COL28A1: variants seen among roughly 807,000 people sequenced by gnomAD.
COL28A1 encodes the protein collagen type XXVIII alpha 1 chain.
COL28A1 carries 161 observed loss-of-function variants against 150.2 expected under a neutral mutation model. The observed-to-expected ratio is 1.07, with a 90% CI of 0.94 to 1.22. COL28A1 has a LOEUF of 1.22. Among genes scored for constraint, COL28A1 ranks in the 50% most tolerant of loss-of-function variants. COL28A1 has a pLI of 0.00. For synonymous variants in COL28A1, 552 were observed against 469.7 expected, an observed-to-expected ratio of 1.18 and a Z score of -2.26; for missense variants, 1,617 against 1,388.3, an observed-to-expected ratio of 1.16 and a Z score of -2.62.
the COL28A1 span, among the ~76,000 whole-genome samples, chr7:7,342,049 T>C: frequency 9.9e-4 from 150 of 152,258 alleles, 1 homozygote; most frequent in East Asian, 0.028. Flanking sequence ...AATCTCCCAC[T>C]GTGATTTTGG....
At chr7:7,357,657 T>TG (rs1197264533), downstream of COL28A1, 4 of 49,930 alleles carry the variant, frequency 8.0e-5, no homozygotes, top group African/African-American at 1.8e-4. Flanking sequence ...AGATTCTGTC[T>TG]GGGGGAAAAA....
Position 7,370,736 on chromosome 7 carries a change from T to C in COL28A1, c.3055A>G (p.Ile1019Val). 1 of 1,610,614 alleles carries C rather than the reference T, an allele frequency of 6.2e-7. No individual in the cohort carries two copies. Among genetic ancestry groups the C allele is most frequent in the Admixed American group, 1.7e-5 (1 of 59,338 alleles). The change falls in exon 33 of 35, where the codon ATT becomes GTT. Residue 1019 changes from isoleucine (I) to valine (V), a missense_variant. Ile to Val is a conservative substitution (Grantham distance 29). Transcript: ENST00000399429. The stretch of plus-strand genomic sequence containing the variant: ...AGACAGTTACTTACTGACTCAGAAA[T>C]TTCTTTTTGAGGCTCTGGAGTAGAT... ...SESTPEPQKEISESLSVTRDQ... is the reference protein window; with the variant it reads ...SESTPEPQKEVSESLSVTRDQ...
At chr7:7,493,783 G>T (rs1780053265) in intron 11 of COL28A1, among the ~76,000 whole-genome samples, 1 of 151,966 alleles carries the variant, frequency 6.6e-6, no homozygotes, top group African/African-American at 2.4e-5. Context: ...ACTCTAGTCA[G>T]AATAGCCCTG....
chr7:7,343,786 TAGTTTGAGGCCAGG>T, the COL28A1 span, among the ~76,000 whole-genome samples: 13 of 152,118 alleles, frequency 8.5e-5, no homozygotes, highest in African/African-American at 3.1e-4. Context: ...GGAGAGAGTA[TAGTTTGAGGCCAGG>T]AGTTTGAGAC....
chr7:7,526,642 T>C (rs545830009), intron 3 of COL28A1, among the ~76,000 whole-genome samples: 3 of 152,180 alleles, frequency 2.0e-5, no homozygotes, highest in Non-Finnish European at 4.4e-5. Context: ...ATCTTTTTTT[T>C]TTCTTCTTTT....
chr7:7,522,387 C>G (rs1466224602), intron 4 of COL28A1, among the ~76,000 whole-genome samples: 6 of 152,040 alleles, frequency 3.9e-5, no homozygotes, highest in Admixed American at 3.9e-4. Context: ...ATTAAATGCT[C>G]CTTTACTAGG....
At chr7:7,477,238 G>A (rs1378123401) in intron 13 of COL28A1, 58 bp from the exon 14 acceptor site, 3 of 831,228 alleles carry the variant, frequency 3.6e-6, no homozygotes, top group Admixed American at 1.9e-5. Context: ...AAAGAGGAGT[G>A]ATGAAAAAGA....
Position 7,452,396 on chromosome 7 carries a change from A to G in COL28A1, c.1441-9T>C. 6.3e-7 allele frequency: 1 copy of G among 1,591,436 alleles called. No homozygotes were observed. Among genetic ancestry groups the G allele is most frequent in the Non-Finnish European group, 8.5e-7 (1 of 1,174,714 alleles). On this transcript the variant is annotated splice_polypyrimidine_tract_variant and intron_variant, in intron 17 of 34. Coordinates refer to ENST00000399429, the MANE Select transcript of COL28A1 (RefSeq NM_001037763.3). The stretch of plus-strand genomic sequence containing the variant: ...ATTTGGCCTACTTCTCCCTAGTAAG[A>G]AAAGAGTTTAATACAGCAGCAAAGT...
At chr7:7,428,768 A>C (rs1222509221) in intron 25 of COL28A1, among the ~76,000 whole-genome samples, 1 of 152,244 alleles carries the variant, frequency 6.6e-6, no homozygotes. Flanking sequence ...CATGTTTCAA[A>C]GGTGAGTTTA....
At chr7:7,498,521 A>C (rs1016541587) in intron 11 of COL28A1, among the ~76,000 whole-genome samples, 2 of 152,136 alleles carry the variant, frequency 1.3e-5, no homozygotes, top group Admixed American at 6.6e-5. Context: ...AGACAATGAA[A>C]AACTTTTGGG....
chr7:7,360,490 A>G lies in COL28A1; in HGVS notation c.3105T>C (p.Ala1035=), dbSNP rs753668687. The G allele has an allele frequency of 3.9e-5, 62 of 1,607,278 alleles. 1 individual carries two copies. The East Asian group carries it at 1.4e-3, about 35-fold the overall frequency. The change falls in exon 34 of 35, where the codon GCT becomes GCC. Residue 1035 remains alanine (A), a synonymous_variant. Coordinates refer to ENST00000399429, the MANE Select transcript of COL28A1 (RefSeq NM_001037763.3). The part of the protein sequence containing the change: ...VTRDQDEDDK[A]PEPTWADDLP... Reference sequence around the variant, plus strand: ...GATCATCAGCCCACGTTGGCTCTGGAGCCTTATCATCTTCATCCTGGTCTC... The same window carrying G: ...GATCATCAGCCCACGTTGGCTCTGGGGCCTTATCATCTTCATCCTGGTCTC...
intron 33 of COL28A1, among the ~76,000 whole-genome samples, chr7:7,364,148 A>T (rs1473743222): frequency 6.6e-6 from 1 of 152,162 alleles, no homozygotes; most frequent in African/African-American, 2.4e-5. Flanking sequence ...GATGCACAGT[A>T]CCTTCTGACT....
At chr7:7,483,188 G>T (rs770439310) in intron 13 of COL28A1, among the ~76,000 whole-genome samples, 3 of 152,108 alleles carry the variant, frequency 2.0e-5, no homozygotes, top group African/African-American at 7.2e-5. Context: ...AATGCATTGC[G>T]TTTGCATCCT....
intron 9 of COL28A1, among the ~76,000 whole-genome samples, chr7:7,508,777 C>T (rs1214095246): frequency 6.6e-6 from 1 of 151,676 alleles, no homozygotes; most frequent in African/African-American, 2.4e-5. Flanking sequence ...GCAATCCTCC[C>T]ACCTCAGCCT....
In COL28A1 at chr7:7,466,516, A is replaced by G. The variant is rs1250918442; in HGVS notation, c.1302+8085T>C. ...GAAAGTGATGTGGAGAATGGAACCAACTTGGAAAACACTCTGCAGGATATT... is the reference window on the plus strand; with the variant it reads ...GAAAGTGATGTGGAGAATGGAACCAGCTTGGAAAACACTCTGCAGGATATT... On this transcript the variant is annotated intron_variant, in intron 15 of 34. Coordinates refer to ENST00000399429, the MANE Select transcript of COL28A1 (RefSeq NM_001037763.3). Among the ~76,000 whole-genome samples the G allele has an allele frequency of 3.1e-5, 3 of 97,134 alleles. No homozygotes were observed. The South Asian group carries it at 1.0e-3, about 34-fold the overall frequency. The allele number at this position is 97,134 out of a possible 152,430, so 63.7% of individuals were successfully genotyped here. A position where few individuals can be genotyped will look rare whatever the true frequency, so the allele number is the denominator to read the frequency against.
intron 1 of COL28A1, among the ~76,000 whole-genome samples, chr7:7,534,714 T>A (rs1782551291): frequency 6.6e-6 from 1 of 152,210 alleles, no homozygotes; most frequent in African/African-American, 2.4e-5. Flanking sequence ...GCACCTGCTC[T>A]TACTGTTTTC....
chr7:7,517,733 T>C (rs987252452), intron 7 of COL28A1, 63 bp downstream of exon 7: 17 of 1,610,556 alleles, frequency 1.1e-5, no homozygotes, highest in Non-Finnish European at 1.4e-5. Flanking sequence ...GTCAAAATGG[T>C]CAACCACAAA....
At chr7:7,342,400 A>C in the COL28A1 span, among the ~76,000 whole-genome samples, 1 of 152,010 alleles carries the variant, frequency 6.6e-6, no homozygotes, top group Non-Finnish European at 1.5e-5. Context: ...TTGCCTCTTA[A>C]TTGCAATGCT....
intron 4 of COL28A1, among the ~76,000 whole-genome samples, chr7:7,523,056 C>G (rs1046010465): frequency 6.6e-6 from 1 of 151,716 alleles, no homozygotes; most frequent in African/African-American, 2.4e-5. Context: ...AAATCTACAT[C>G]CAAAATGTCT....
Sources: gnomAD v4.1 joint callset for allele counts (sites outside exome capture counted in the v4.1 genomes callset) on GRCh38, gnomAD v4.1.1 for gene constraint, MANE v1.5 for transcripts, NCBI Gene and HGNC (gene_info 2026-07-23, HGNC 2026-07-21) for gene names.